The following LTF variants were observed in gnomAD, a reference collection of about 807,000 sequenced individuals.
LTF encodes the protein lactotransferrin.
A neutral mutation model predicts 87.2 loss-of-function variants in LTF; 91 were observed. The ratio of observed to expected loss-of-function variants is 1.04; its 90% confidence interval spans 0.88 to 1.24. The LOEUF (loss-of-function observed/expected upper bound fraction) is 1.24, where lower values mean the gene tolerates loss of function less well. LTF is among the 50% of genes most tolerant of loss of function. The pLI, the probability that LTF is intolerant of heterozygous loss-of-function variation, is 0.00. For synonymous variants in LTF, 378 were observed against 356.1 expected (o/e 1.06, Z -0.69); for missense variants, 901 against 904.3 (o/e 1.00, Z 0.05).
intron 1 of LTF, among the ~76,000 whole-genome samples, chr3:46,472,287 A>G: frequency 6.6e-6 from 1 of 151,854 alleles, no homozygotes; most frequent in East Asian, 1.9e-4. Flanking sequence ...AGCTACAGAG[A>G]GTTCTCATCC....
chr3:46,449,020 G>GCTTCTGCTC lies in LTF; in HGVS notation c.1058-4_1058-3insGAGCAGAAG. On this transcript the variant is annotated splice_region_variant and splice_polypyrimidine_tract_variant and intron_variant, in intron 8 of 16. Coordinates refer to ENST00000231751, the MANE Select transcript of LTF (RefSeq NM_002343.6). ...CCGGGCAGCCACTTCCTCCTCACCT[G>GCTTCTGCTC]CCAGAGGGAAGACCGCAGGTGGCTG... 1 of 1,604,022 alleles carries GCTTCTGCTC rather than the reference G, an allele frequency of 6.2e-7. No individual in the cohort carries two copies. Among genetic ancestry groups the GCTTCTGCTC allele is most frequent in the Non-Finnish European group, 8.5e-7 (1 of 1,176,088 alleles).
intron 1 of LTF, among the ~76,000 whole-genome samples, chr3:46,474,005 T>C (rs948923376): frequency 6.6e-6 from 1 of 151,988 alleles, no homozygotes; most frequent in Non-Finnish European, 1.5e-5. Flanking sequence ...AATGGAATTC[T>C]AAAAAATGTT....
In LTF at chr3:46,456,226, A is replaced by G; in HGVS notation, c.316+64T>C. The G allele has an allele frequency of 2.2e-6, 3 of 1,369,358 alleles. No homozygotes were observed. In the Admixed American group the frequency reaches 5.2e-5, roughly 24 times the overall value. The allele number at this position is 1,369,358 out of a possible 1,614,324, so 84.8% of individuals were successfully genotyped here. On this transcript the variant is annotated intron_variant, in intron 3 of 16. Coordinates refer to ENST00000231751, the MANE Select transcript of LTF (RefSeq NM_002343.6). The stretch of plus-strand genomic sequence containing the variant: ...ACCTCCACATGTTCCCCCAGTCTTA[A>G]TCCACACAGCTCAGGGCACAGGCTG...
intron 11 of LTF, among the ~76,000 whole-genome samples, chr3:46,445,978 A>G (rs1314712920): frequency 6.6e-6 from 1 of 152,196 alleles, no homozygotes; most frequent in Non-Finnish European, 1.5e-5. Flanking sequence ...GACACCCACC[A>G]AGGGCAAGTC....
chr3:46,464,661 G>C (rs1703168080), intron 1 of LTF, among the ~76,000 whole-genome samples, 164 bp downstream of exon 1: 1 of 152,224 alleles, frequency 6.6e-6, no homozygotes, highest in Non-Finnish European at 1.5e-5. Context: ...ATGTGGGAAA[G>C]AGACTGGCCC....
At chr3:46,450,798 A>G in intron 6 of LTF, 125 bp from the exon 7 acceptor site, 1 of 790,688 alleles carries the variant, frequency 1.3e-6, no homozygotes, top group South Asian at 1.7e-5. Context: ...ACTGAGGGTC[A>G]GAAAGGCAGG....
intron 15 of LTF, among the ~76,000 whole-genome samples, 187 bp from the exon 16 acceptor site, chr3:46,438,316 G>A (rs772552853): frequency 1.3e-5 from 2 of 152,106 alleles, no homozygotes; most frequent in South Asian, 2.1e-4. Context: ...TGGCAGGCCC[G>A]CCTTGGGCAG....
rs570111408 is a variant in LTF at position 46,479,687 on chromosome 3, C to T, written c.-320+5299G>A. ...TACAGGCAAGTGCCACCACCCCTGG[C>T]TAATTTTTGTATTTTTAGTAGAGAC... is the stretch of plus-strand genomic sequence containing the variant. On this transcript the variant is annotated intron_variant, in intron 1 of 19. Transcript: ENST00000443496. Among the ~76,000 whole-genome samples the T allele has an allele frequency of 3.2e-4, 49 of 152,268 alleles. 2 individuals carry two copies. Among genetic ancestry groups the T allele is most frequent in the African/African-American group, 5.8e-4 (24 of 41,536 alleles).
At chr3:46,449,811 G>T in intron 8 of LTF, 43 bp downstream of exon 8, 2 of 1,608,064 alleles carry the variant, frequency 1.2e-6, no homozygotes, top group South Asian at 1.1e-5. Flanking sequence ...GGAAGTAGAA[G>T]ACCACACCAG....
chr3:46,464,691 G>C, intron 1 of LTF, 134 bp downstream of exon 1: 1 of 932,942 alleles, frequency 1.1e-6, no homozygotes, highest in Non-Finnish European at 1.6e-6. Flanking sequence ...GCCGCCTCCC[G>C]GCTGTAGGCG....
chr3:46,472,015 G>A (rs1309080815), intron 1 of LTF, among the ~76,000 whole-genome samples: 2 of 151,914 alleles, frequency 1.3e-5, no homozygotes, highest in Non-Finnish European at 2.9e-5. Flanking sequence ...AGGGTCCTTG[G>A]CAGCCCAGGG....
Position 46,436,068 on chromosome 3 carries a change from T to G in LTF, c.*127A>C. On this transcript the variant is annotated 3_prime_UTR_variant, in exon 17 of 17. Coordinates refer to ENST00000231751, the MANE Select transcript of LTF (RefSeq NM_002343.6). ...TTGCTAAGACGACAGCAGGGAATTG[T>G]AAGCAGATGGATGGGCAATCCCCAC... The G allele has an allele frequency of 2.4e-6, 2 of 842,002 alleles. No homozygotes were observed. Among genetic ancestry groups the G allele is most frequent in the Non-Finnish European group, 4.0e-6 (2 of 500,390 alleles). The allele number at this position is 842,002 out of a possible 1,614,324, so 52.2% of individuals were successfully genotyped here. A position where few individuals can be genotyped will look rare whatever the true frequency, so the allele number is the denominator to read the frequency against.
At chr3:46,463,937 TC>T (rs1368858480) in intron 1 of LTF, among the ~76,000 whole-genome samples, 1 of 152,120 alleles carries the variant, frequency 6.6e-6, no homozygotes, top group Non-Finnish European at 1.5e-5. Context: ...ACCTCTTCCA[TC>T]CAGGAAGCTC....
chr3:46,463,619 G>A (rs1056174504), intron 1 of LTF: 1 of 985,366 alleles, frequency 1.0e-6, no homozygotes, highest in African/African-American at 1.7e-5. Flanking sequence ...AACAACTAAA[G>A]ATCCAAGTGA....
chr3:46,441,339 G>T, intron 14 of LTF, 77 bp downstream of exon 14: 1 of 1,202,478 alleles, frequency 8.3e-7, no homozygotes, highest in Non-Finnish European at 1.2e-6. Flanking sequence ...CCTTCCCAAA[G>T]GCAAATCTGA....
At chr3:46,472,694 C>T (rs1703309345) in intron 1 of LTF, among the ~76,000 whole-genome samples, 1 of 152,002 alleles carries the variant, frequency 6.6e-6, no homozygotes, top group Non-Finnish European at 1.5e-5. Flanking sequence ...CTCTCCAGAA[C>T]ATGTGTTGTT....
At chr3:46,439,180 G>T in intron 15 of LTF, 116 bp downstream of exon 15, 1 of 971,720 alleles carries the variant, frequency 1.0e-6, no homozygotes, top group Non-Finnish European at 1.5e-6. Context: ...CTCACCATGA[G>T]CTTCAAGTAG....
chr3:46,483,935 C>A (rs956521244), intron 1 of LTF, among the ~76,000 whole-genome samples: 1 of 152,120 alleles, frequency 6.6e-6, no homozygotes, highest in Non-Finnish European at 1.5e-5. Context: ...AGCTGCTGCA[C>A]CCTGGCCAAA....
chr3:46,464,791 C>G (rs776033322), intron 1 of LTF, 34 bp downstream of exon 1: 27 of 1,612,418 alleles, frequency 1.7e-5, no homozygotes, highest in Non-Finnish European at 5.9e-6. Context: ...AGACGCCCAT[C>G]AGGCGGCTCG....
Sources: allele counts gnomAD v4.1 joint callset (sites outside exome capture counted in the v4.1 genomes callset), GRCh38; gene constraint gnomAD v4.1.1; transcripts MANE v1.5; gene names NCBI Gene and HGNC (gene_info 2026-07-23, HGNC 2026-07-21).